DNAH11: variants seen among roughly 807,000 people sequenced by gnomAD.
The protein encoded by DNAH11 is dynein axonemal heavy chain 11, also known as axonemal beta dynein heavy chain 11.
In DNAH11, 442 loss-of-function variants were observed where a neutral mutation model predicts 526.0. That is an observed-to-expected ratio of 0.84 (90% CI 0.78 to 0.91). The LOEUF (loss-of-function observed/expected upper bound fraction) is 0.91, where lower values mean the gene tolerates loss of function less well. Ranked by LOEUF, DNAH11 falls within the 40% of genes least tolerant of loss-of-function variation. DNAH11 has a pLI of 0.00. For missense variants in DNAH11, 6,989 were observed against 5,448.7 expected (o/e 1.28, Z -8.90); for synonymous variants, 2,461 against 1,935.9 (o/e 1.27, Z -7.12).
In DNAH11 at chr7:21,801,364, G is replaced by C; in HGVS notation, c.10165+89G>C. 2.0e-6 allele frequency: 3 copies of C among 1,508,778 alleles called. No individual in the cohort carries two copies. In the South Asian group the frequency reaches 3.7e-5, roughly 19 times the overall value. The allele number at this position is 1,508,778 out of a possible 1,614,324, so 93.5% of individuals were successfully genotyped here. ...ATTTGCCATCAATAATAACTAAATA[G>C]ACATGGAATTAACAACAAAGGATAA... On this transcript the variant is annotated intron_variant, in intron 62 of 81. Transcript: ENST00000409508.
chr7:21,730,972 G>C (rs531813363), intron 45 of DNAH11, among the ~76,000 whole-genome samples: 1 of 151,784 alleles, frequency 6.6e-6, no homozygotes, highest in South Asian at 2.1e-4. Flanking sequence ...GGCGAAACCC[G>C]GTCTCTACTA....
chr7:21,861,370 A>G (rs1783057415), intron 68 of DNAH11, among the ~76,000 whole-genome samples: 2 of 152,208 alleles, frequency 1.3e-5, no homozygotes, highest in South Asian at 4.1e-4. Flanking sequence ...ACTGCAAGTA[A>G]AACCTACTCC....
chr7:21,648,996 A>C (rs1006274054), intron 28 of DNAH11, among the ~76,000 whole-genome samples: 2 of 152,218 alleles, frequency 1.3e-5, no homozygotes, highest in African/African-American at 4.8e-5. Context: ...TCTGCCTAGT[A>C]AAGTATTCAT....
intron 63 of DNAH11, among the ~76,000 whole-genome samples, chr7:21,809,680 C>T (rs972525992): frequency 6.6e-6 from 1 of 152,112 alleles, no homozygotes; most frequent in Non-Finnish European, 1.5e-5. Flanking sequence ...TCTCCTGCCT[C>T]AGCCTCCCAA....
Position 21,620,075 on chromosome 7 carries a change from C to T in DNAH11, c.4497C>T (p.Asn1499=). The T allele has an allele frequency of 6.3e-7, 1 of 1,580,198 alleles. No individual in the cohort carries two copies. Residue 1499 remains asparagine, a synonymous_variant, in exon 25 of 82, where the codon AAC becomes AAT. Transcript: ENST00000409508. ...AACTTTTTGAAACTCTAGAGCACAA[C>T]CAAGTAAGATGGATATTTTTATTGC... ...DEQLFETLEH[N]QVQLQTLLQS...
At chr7:21,588,034 T>C in intron 9 of DNAH11, 30 bp from the exon 10 acceptor site, 1 of 1,608,842 alleles carries the variant, frequency 6.2e-7, no homozygotes, top group Non-Finnish European at 8.5e-7. Context: ...CTCATAGTGC[T>C]TAATGTTGCC....
At chr7:21,689,126 G>A (rs1437122890) in intron 34 of DNAH11, among the ~76,000 whole-genome samples, 1 of 152,118 alleles carries the variant, frequency 6.6e-6, no homozygotes. Context: ...TTGTGTTCAG[G>A]TGTCTGTTTC....
chr7:21,554,793 A>G lies in DNAH11; in HGVS notation c.496-4009A>G, dbSNP rs76004397. ...TTACAAAGCCAGTCTCTCCCTGTCT[A>G]TGGGAGCTTCCCTAAGAGGGAATAT... On this transcript the variant is annotated intron_variant, in intron 2 of 81. Transcript: ENST00000409508. 3.2e-3 allele frequency among the ~76,000 whole-genome samples: 485 copies of G among 152,304 alleles called. 3 individuals are homozygous for G. The highest frequency in any genetic ancestry group is 0.011 in the African/African-American group (465 of 41,570).
At position 21,702,697 on chromosome 7, in the gene DNAH11, G is replaced by A. The variant is rs755474866; in HGVS notation, c.6181-13G>A. On this transcript the variant is annotated splice_polypyrimidine_tract_variant and intron_variant, in intron 36 of 81. Coordinates refer to ENST00000409508, the MANE Select transcript of DNAH11 (RefSeq NM_001277115.2). Reference sequence around the variant, plus strand: ...ATACAATTTTTGAGAAAATAAACCTGTTTTGATTTTAGGATCATTACGACT... The same window carrying A: ...ATACAATTTTTGAGAAAATAAACCTATTTTGATTTTAGGATCATTACGACT... The A allele has an allele frequency of 3.7e-6, 6 of 1,611,068 alleles. No individual in the cohort carries two copies. The South Asian group carries it at 5.5e-5, about 15-fold the overall frequency.
rs2127986981 is a variant in DNAH11 at position 21,786,744 on chromosome 7, G to A, written c.9718G>A (p.Ala3240Thr). The change falls in exon 59 of 82, where the codon GCA (alanine) becomes ACA (threonine). Residue 3240 changes from alanine to threonine, a missense_variant. By Grantham distance (58) the Ala-to-Thr change is moderately conservative (BLOSUM62 0). Coordinates refer to ENST00000409508, the MANE Select transcript of DNAH11 (RefSeq NM_001277115.2). ...GRVPKDRSWK[A>T]AKVFMGKVDD... Reference sequence around the variant, plus strand: ...AGTGCCCAAAGACCGAAGTTGGAAAGCAGCTAAAGTCTTCATGGGAAAGGT... The same window carrying A: ...AGTGCCCAAAGACCGAAGTTGGAAAACAGCTAAAGTCTTCATGGGAAAGGT... 2 of 1,613,832 alleles carry A rather than the reference G, an allele frequency of 1.2e-6. No individual in the cohort carries two copies. The highest frequency in any genetic ancestry group is 1.7e-6 in the Non-Finnish European group (2 of 1,179,756).
intron 25 of DNAH11, among the ~76,000 whole-genome samples, chr7:21,622,558 G>A (rs535178081): frequency 2.6e-5 from 4 of 152,228 alleles, no homozygotes; most frequent in Admixed American, 6.5e-5. Flanking sequence ...CACACTACCC[G>A]ACTTCAAACT....
At chr7:21,728,237 C>CTTTTTTTTTTTTTTTT (rs71026816) in intron 45 of DNAH11, among the ~76,000 whole-genome samples, 1 of 58,946 alleles carries the variant, frequency 1.7e-5, no homozygotes, top group African/African-American at 7.6e-5. Context: ...GCCCACAATT[C>CTTTTTTTTTTTTTTTT]TTTTTTTTTT....
chr7:21,738,931 A>AGATTT, intron 47 of DNAH11, 65 bp downstream of exon 47: 1 of 1,283,900 alleles, frequency 7.8e-7, no homozygotes, highest in Non-Finnish European at 1.0e-6. Flanking sequence ...AATAATTACT[A>AGATTT]TGGATGAATA....
chr7:21,574,675 T>A (rs938613754), intron 8 of DNAH11, among the ~76,000 whole-genome samples: 2 of 151,298 alleles, frequency 1.3e-5, no homozygotes, highest in Non-Finnish European at 2.9e-5. Context: ...GTGATTCTTC[T>A]GCCTCAGCCT....
chr7:21,712,511 ATC>A (rs1391279436), intron 42 of DNAH11, among the ~76,000 whole-genome samples: 1 of 152,162 alleles, frequency 6.6e-6, no homozygotes, highest in Non-Finnish European at 1.5e-5. Flanking sequence ...AAGGCTTCTA[ATC>A]TCTCTACACC....
intron 38 of DNAH11, 32 bp from the exon 39 acceptor site, chr7:21,705,428 A>G (rs2128479509): frequency 6.2e-7 from 1 of 1,612,386 alleles, no homozygotes; most frequent in Non-Finnish European, 8.5e-7. Context: ...AACTCCTTAA[A>G]GGAAACCAGC....
intron 54 of DNAH11, among the ~76,000 whole-genome samples, chr7:21,755,261 G>A (rs548456243): frequency 5.9e-5 from 9 of 152,290 alleles, no homozygotes; most frequent in Middle Eastern, 3.4e-3. Context: ...GCAATGAATA[G>A]CAATGCCAAA....
intron 2 of DNAH11, among the ~76,000 whole-genome samples, chr7:21,548,390 T>C (rs560128584): frequency 1.3e-5 from 2 of 152,346 alleles, no homozygotes; most frequent in South Asian, 4.1e-4. Flanking sequence ...AATCCATGTT[T>C]GTATTAATAG....
At chr7:21,660,641 T>C (rs1176530410) in intron 30 of DNAH11, among the ~76,000 whole-genome samples, 1 of 149,438 alleles carries the variant, frequency 6.7e-6, no homozygotes, top group East Asian at 2.0e-4. Flanking sequence ...ATTAACATTT[T>C]GGCATGCAAA....
Sources: allele counts gnomAD v4.1 joint callset (sites outside exome capture counted in the v4.1 genomes callset), GRCh38; gene constraint gnomAD v4.1.1; transcripts MANE v1.5; gene names NCBI Gene and HGNC (gene_info 2026-07-23, HGNC 2026-07-21).